The following MLANA variants were observed in gnomAD, a reference collection of about 807,000 sequenced individuals.
MLANA encodes melan-A, also known as melanoma antigen recognized by T-cells 1.
MLANA carries 21 observed loss-of-function variants against 15.7 expected under a neutral mutation model. That is an observed-to-expected ratio of 1.33 (90% CI 0.95 to 1.92). The LOEUF (loss-of-function observed/expected upper bound fraction) is 1.92. Among genes scored for constraint, MLANA ranks in the 40% most tolerant of loss-of-function variants. The pLI, the probability that MLANA is intolerant of heterozygous loss-of-function variation, is 0.00. For synonymous variants in MLANA, 56 were observed against 51.5 expected (o/e 1.09, Z -0.37); for missense variants, 164 against 143.8 (o/e 1.14, Z -0.72).
chr9:5,895,700 G>A (rs1189031452), intron 2 of MLANA, among the ~76,000 whole-genome samples: 1 of 152,186 alleles, frequency 6.6e-6, no homozygotes. Context: ...GATTGGGTAG[G>A]CCAGGGGTGG....
chr9:5,895,733 C>A (rs73395369), intron 2 of MLANA, among the ~76,000 whole-genome samples: 4 of 152,298 alleles, frequency 2.6e-5, no homozygotes, highest in African/African-American at 4.8e-5. Context: ...TGCACCTTAA[C>A]GTGCATCTCA....
In MLANA at chr9:5,894,644, C is replaced by A. The variant is rs1831889927; in HGVS notation, c.77+2093C>A. Among the ~76,000 whole-genome samples, 1 of 152,182 alleles carries A rather than the reference C, an allele frequency of 6.6e-6. No individual in the cohort carries two copies. The highest frequency in any genetic ancestry group is 2.1e-4 in the South Asian group (1 of 4,828). ...AGGGGCATAATGAAGCTGGCTCTGA[C>A]AATGCCGGAAAACGAGCTGGTGCTT... On this transcript the variant is annotated intron_variant, in intron 2 of 4. Transcript: ENST00000381477. This position sits in a 1 kb window ranked among gnomAD's most constrained non-coding sequence, Gnocchi z 4.0.
chr9:5,895,361 G>A (rs1831943497), intron 2 of MLANA, among the ~76,000 whole-genome samples: 1 of 151,906 alleles, frequency 6.6e-6, no homozygotes, highest in Admixed American at 6.6e-5. Flanking sequence ...GTGGGATGGA[G>A]GTAGGGGAAT....
chr9:5,898,221 CTT>C (rs1227382665), intron 3 of MLANA: 2 of 152,578 alleles, frequency 1.3e-5, no homozygotes, highest in Non-Finnish European at 2.9e-5. Flanking sequence ...TAAAAAAAAA[CTT>C]TTTTTTGTAG....
intron 3 of MLANA, among the ~76,000 whole-genome samples, chr9:5,899,425 A>C (rs2129936788): frequency 6.6e-6 from 1 of 152,288 alleles, no homozygotes; most frequent in East Asian, 1.9e-4. Flanking sequence ...ATAAATACAA[A>C]TACAAACCAT....
chr9:5,895,899 G>A (rs1831983178), intron 2 of MLANA, among the ~76,000 whole-genome samples: 1 of 152,224 alleles, frequency 6.6e-6, no homozygotes, highest in Admixed American at 6.5e-5. Flanking sequence ...ATAAAGTGCT[G>A]TAACAGAGCT....
In MLANA at chr9:5,901,814, G is replaced by A. The variant is rs113639394; in HGVS notation, c.174+4161G>A. 1.8e-3 allele frequency among the ~76,000 whole-genome samples: 275 copies of A among 152,276 alleles called. 2 individuals are homozygous for A. The highest frequency in any genetic ancestry group is 6.5e-3 in the African/African-American group (270 of 41,566). On this transcript the variant is annotated intron_variant, in intron 3 of 4. Transcript: ENST00000381477. ...TGGGATTACAGGCGTGAGCCACCACGCCTGGCCTGATTTCTCAATATTGAA... is the reference window on the plus strand; with the variant it reads ...TGGGATTACAGGCGTGAGCCACCACACCTGGCCTGATTTCTCAATATTGAA...
chr9:5,897,557 G>C lies in MLANA; in HGVS notation c.78G>C (p.Glu26Asp). 6.2e-7 allele frequency: 1 copy of C among 1,613,940 alleles called. No homozygotes were observed. The highest frequency in any genetic ancestry group is 8.5e-7 in the Non-Finnish European group (1 of 1,179,794). ...TGGATTTGTCTATCTCTTGGGCCAG[G>C]GCCGCTGGGATCGGCATCCTGACAG... ...GHGHSYTTAE[E>D]AAGIGILTVI... is the part of the protein sequence containing the mutation. The change falls in exon 3 of 5, where the codon GAG becomes GAC. Residue 26 changes from glutamate to aspartate, a missense_variant and splice_region_variant. Glu to Asp is a conservative substitution (Grantham distance 45). Transcript: ENST00000381477.
Position 5,903,880 on chromosome 9 carries a change from CAG to C in MLANA, c.175-3002_175-3001del, listed in dbSNP as rs572955365. 5.3e-4 allele frequency among the ~76,000 whole-genome samples: 80 copies of C among 150,892 alleles called. 1 individual carries two copies. In the East Asian group the frequency reaches 0.013, roughly 25 times the overall value. ...TGCACTTACTTTTTTTTTTTTGAGACAGAGTCTCGCTGTGTCACCTAGACTGG... is the reference window on the plus strand; with the variant it reads ...TGCACTTACTTTTTTTTTTTTGAGACAGTCTCGCTGTGTCACCTAGACTGG... On this transcript the variant is annotated intron_variant, in intron 3 of 4. Coordinates refer to ENST00000381477, the MANE Select transcript of MLANA (RefSeq NM_005511.2).
intron 2 of MLANA, among the ~76,000 whole-genome samples, chr9:5,895,456 A>G (rs142470576): frequency 0.011 from 1,673 of 152,076 alleles, 24 homozygotes; most frequent in Middle Eastern, 0.02. Context: ...AAAACAATGC[A>G]TCCCTAAGAT....
intron 2 of MLANA, among the ~76,000 whole-genome samples, chr9:5,895,702 C>T (rs1472054795): frequency 6.6e-6 from 1 of 152,114 alleles, no homozygotes; most frequent in African/African-American, 2.4e-5. Context: ...TTGGGTAGGC[C>T]AGGGGTGGAG....
At chr9:5,901,987 A>G (rs893598515) in intron 3 of MLANA, among the ~76,000 whole-genome samples, 1 of 150,748 alleles carries the variant, frequency 6.6e-6, no homozygotes, top group African/African-American at 2.4e-5. Flanking sequence ...TCTTTTTGCA[A>G]TATCTGTCTG....
intron 2 of MLANA, among the ~76,000 whole-genome samples, chr9:5,893,607 G>A (rs1831801811): frequency 6.6e-6 from 1 of 152,140 alleles, no homozygotes; most frequent in South Asian, 2.1e-4. Context: ...TACTCTTTGA[G>A]GGAGGGGAGC....
intron 3 of MLANA, among the ~76,000 whole-genome samples, chr9:5,901,094 G>A (rs564544848): frequency 1.3e-5 from 2 of 151,918 alleles, no homozygotes; most frequent in African/African-American, 4.8e-5. Context: ...AACCGGTAGA[G>A]TGGATCATAC....
intron 4 of MLANA, among the ~76,000 whole-genome samples, chr9:5,907,768 C>T (rs1832913400): frequency 6.6e-6 from 1 of 152,132 alleles, no homozygotes; most frequent in African/African-American, 2.4e-5. Context: ...GCCTGGCAAA[C>T]ATGGTGAAAT....
intron 3 of MLANA, among the ~76,000 whole-genome samples, chr9:5,900,134 T>C (rs575069281): frequency 1.3e-5 from 2 of 152,326 alleles, no homozygotes; most frequent in Admixed American, 6.5e-5. Flanking sequence ...TGAACACAAA[T>C]GCAGTAATTT....
chr9:5,892,398 GA>G (rs1831711940), intron 1 of MLANA, 51 bp from the exon 2 acceptor site: 1 of 1,337,140 alleles, frequency 7.5e-7, no homozygotes, highest in South Asian at 1.4e-5. Flanking sequence ...ATGAGATGAT[GA>G]ATAGGGTGGC....
At chr9:5,902,647 C>T (rs1188021338) in intron 3 of MLANA, among the ~76,000 whole-genome samples, 3 of 151,374 alleles carry the variant, frequency 2.0e-5, no homozygotes, top group Non-Finnish European at 2.9e-5. Flanking sequence ...ATAGCATGTG[C>T]CTCCAGGTCT....
rs1283207156 is a variant in MLANA, at chr9:5,895,019, T to C, written c.77+2468T>C. Among the ~76,000 whole-genome samples, 6 of 152,298 alleles carry C rather than the reference T, an allele frequency of 3.9e-5. No homozygotes were observed. In the East Asian group the frequency reaches 1.2e-3, roughly 29 times the overall value. On this transcript the variant is annotated intron_variant, in intron 2 of 4. Coordinates refer to ENST00000381477, the MANE Select transcript of MLANA (RefSeq NM_005511.2). ...GGGTCAGGTGGGTTATCTGACATTT[T>C]CCTTGAGAACAAGAGGGAGCCTCTG...
Sources: allele counts gnomAD v4.1 joint callset (sites outside exome capture counted in the v4.1 genomes callset), GRCh38; gene constraint gnomAD v4.1.1; non-coding constraint Gnocchi (gnomAD v3.1); transcripts MANE v1.5; gene names NCBI Gene and HGNC (gene_info 2026-07-23, HGNC 2026-07-21).